Variants in RSU1 observed in about 807,000 individuals in gnomAD.
The protein encoded by RSU1 is Ras suppressor protein 1, also known as rsu-1.
Under a neutral mutation model 31.1 loss-of-function variants are expected in RSU1, and 26 were observed. That is an observed-to-expected ratio of 0.84 (90% CI 0.61 to 1.16). The LOEUF (loss-of-function observed/expected upper bound fraction) is 1.16, where lower values mean the gene tolerates loss of function less well. Ranked by LOEUF, RSU1 falls within the 50% of genes most tolerant of loss-of-function variation. The pLI is 0.00. For synonymous variants in RSU1, 164 were observed against 136.3 expected (o/e 1.20, Z -1.41); for missense variants, 320 against 339.1 (o/e 0.94, Z 0.44).
intron 8 of RSU1, among the ~76,000 whole-genome samples, chr10:16,675,302 G>A (rs1291169438): frequency 2.0e-5 from 3 of 152,070 alleles, no homozygotes; most frequent in African/African-American, 7.2e-5. Flanking sequence ...ACTTCAAAAG[G>A]TTTTGTAGTT....
intron 8 of RSU1, among the ~76,000 whole-genome samples, chr10:16,631,975 G>A (rs1452079059): frequency 6.6e-6 from 1 of 152,176 alleles, no homozygotes; most frequent in South Asian, 2.1e-4. Flanking sequence ...AGTCCGTAGA[G>A]TCCTGGAGCT....
At chr10:16,784,548 T>C (rs1234975416) in intron 2 of RSU1, among the ~76,000 whole-genome samples, 1 of 152,184 alleles carries the variant, frequency 6.6e-6, no homozygotes, top group Non-Finnish European at 1.5e-5. Flanking sequence ...ATTAGCCTGT[T>C]CTCACGCTGC....
chr10:16,621,463 CTA>C (rs966875605), intron 8 of RSU1, among the ~76,000 whole-genome samples: 122 of 152,284 alleles, frequency 8.0e-4, no homozygotes, highest in African/African-American at 2.8e-3. Context: ...TGAGAAGATT[CTA>C]TGTGTACACT....
At position 16,752,927 on chromosome 10, in the gene RSU1, C is replaced by T; in HGVS notation, c.474G>A (p.Lys158=). 1 of 1,613,828 alleles carries T rather than the reference C, an allele frequency of 6.2e-7. No homozygotes were observed. Among genetic ancestry groups the T allele is most frequent in the Non-Finnish European group, 8.5e-7 (1 of 1,179,706 alleles). The change falls in exon 6 of 9, where the codon AAG becomes AAA. Residue 158 remains lysine (K), a synonymous_variant. Transcript: ENST00000345264. The part of the protein sequence containing the change: ...ILPPDIGKLT[K]LQILSLRDND... Reference sequence around the variant, plus strand: ...TAGATAAATTACTTACTATCTGCAACTTTGTGAGCTTCCCAATATCTGGCG... The same window carrying T: ...TAGATAAATTACTTACTATCTGCAATTTTGTGAGCTTCCCAATATCTGGCG...
chr10:16,670,187 C>T (rs1440558642), intron 8 of RSU1, among the ~76,000 whole-genome samples: 1 of 152,152 alleles, frequency 6.6e-6, no homozygotes, highest in Admixed American at 6.5e-5. Context: ...GGAGGAAAAA[C>T]GTAGAACATT....
Position 16,817,379 on chromosome 10 carries a change from T to A in RSU1, c.-68A>T. On this transcript the variant is annotated 5_prime_UTR_variant, in exon 1 of 9. Coordinates refer to ENST00000345264, the MANE Select transcript of RSU1 (RefSeq NM_012425.4). ...AAGCTTCGGCAGAACGCACTCCAGC[T>A]GCCCTCACTCCCTGCAACACCGGCA... 2.7e-6 allele frequency: 1 copy of A among 374,378 alleles called. No individual in the cohort carries two copies. The allele number at this position is 374,378 out of a possible 1,614,324, so 23.2% of individuals were successfully genotyped here.
intron 8 of RSU1, among the ~76,000 whole-genome samples, chr10:16,670,160 T>C (rs1256311605): frequency 6.6e-6 from 1 of 152,232 alleles, no homozygotes; most frequent in Non-Finnish European, 1.5e-5. Flanking sequence ...CCATTGCTTA[T>C]GCTGGAGAAT....
At chr10:16,786,149 G>A (rs564626246) in intron 2 of RSU1, among the ~76,000 whole-genome samples, 7 of 152,210 alleles carry the variant, frequency 4.6e-5, no homozygotes, top group Admixed American at 6.5e-5. Flanking sequence ...CCTACATCAC[G>A]CAAGGCAGCC....
At chr10:16,653,687 A>G (rs1374327669) in intron 8 of RSU1, among the ~76,000 whole-genome samples, 1 of 152,116 alleles carries the variant, frequency 6.6e-6, no homozygotes, top group Admixed American at 6.5e-5. Flanking sequence ...TTCAGTATGC[A>G]ATTTGTATTA....
intron 8 of RSU1, among the ~76,000 whole-genome samples, chr10:16,620,705 T>G (rs774189754): frequency 6.6e-6 from 1 of 151,644 alleles, no homozygotes; most frequent in Admixed American, 6.6e-5. Context: ...ATTAGCTGGG[T>G]GTGGTGATGG....
At chr10:16,798,215 T>C (rs1292615867) in intron 2 of RSU1, among the ~76,000 whole-genome samples, 2 of 152,050 alleles carry the variant, frequency 1.3e-5, no homozygotes, top group East Asian at 1.9e-4. Flanking sequence ...ATATTAAAGA[T>C]GGGCAAAAAA....
intron 8 of RSU1, among the ~76,000 whole-genome samples, chr10:16,684,743 C>A (rs953863023): frequency 6.6e-6 from 1 of 151,794 alleles, no homozygotes; most frequent in Non-Finnish European, 1.5e-5. Flanking sequence ...TTATGGCAGC[C>A]AAAGCAAACG....
chr10:16,814,180 G>A (rs568369100), intron 2 of RSU1, among the ~76,000 whole-genome samples: 1 of 152,254 alleles, frequency 6.6e-6, no homozygotes, highest in African/African-American at 2.4e-5. Context: ...TAGCTCACAT[G>A]TGTAATGCCA....
chr10:16,673,760 G>A (rs1286246376), intron 8 of RSU1, among the ~76,000 whole-genome samples: 2 of 152,178 alleles, frequency 1.3e-5, no homozygotes, highest in African/African-American at 4.8e-5. Context: ...CAAAGACTGC[G>A]TGATGACTGA....
At chr10:16,795,353 C>CAAAAAAAAAAA (rs532677802) in intron 2 of RSU1, among the ~76,000 whole-genome samples, 4 of 75,204 alleles carry the variant, frequency 5.3e-5, no homozygotes, top group Non-Finnish European at 8.2e-5. Flanking sequence ...GACTCCATCT[C>CAAAAAAAAAAA]AAAAAAAAAA....
At chr10:16,765,820 C>T (rs1837302035) in intron 3 of RSU1, among the ~76,000 whole-genome samples, 1 of 152,210 alleles carries the variant, frequency 6.6e-6, no homozygotes, top group African/African-American at 2.4e-5. Flanking sequence ...AGGGGTGCCC[C>T]AGGAGGCTGG....
intron 8 of RSU1, among the ~76,000 whole-genome samples, chr10:16,680,323 G>C (rs1199219615): frequency 1.3e-5 from 2 of 151,924 alleles, no homozygotes; most frequent in East Asian, 3.9e-4. Context: ...AAGGCAATCT[G>C]AATACCATTT....
At chr10:16,795,959 C>G (rs1312661176) in intron 2 of RSU1, among the ~76,000 whole-genome samples, 1 of 152,170 alleles carries the variant, frequency 6.6e-6, no homozygotes, top group Non-Finnish European at 1.5e-5. Flanking sequence ...CAACCTTCCC[C>G]CATACTTCTC....
At chr10:16,615,054 G>A (rs911819076) in intron 8 of RSU1, among the ~76,000 whole-genome samples, 2 of 152,148 alleles carry the variant, frequency 1.3e-5, no homozygotes, top group Non-Finnish European at 2.9e-5. Context: ...AGTGTAAATA[G>A]GCTAAATGCC....
Sources: gnomAD v4.1 joint callset for allele counts (sites outside exome capture counted in the v4.1 genomes callset) on GRCh38, gnomAD v4.1.1 for gene constraint, MANE v1.5 for transcripts, NCBI Gene and HGNC (gene_info 2026-07-23, HGNC 2026-07-21) for gene names.